Variants in CTNNA3 observed in about 807,000 individuals in gnomAD.
CTNNA3 encodes catenin alpha 3.
CTNNA3 carries 76 observed loss-of-function variants against 95.7 expected under a neutral mutation model. The ratio of observed to expected loss-of-function variants is 0.79; its 90% CI spans 0.66 to 0.96. CTNNA3 has a LOEUF of 0.96. Among genes scored for constraint, CTNNA3 ranks in the 40% least tolerant of loss-of-function variants. CTNNA3 has a pLI of 0.00. For missense variants in CTNNA3, 1,191 were observed against 1,089.8 expected (o/e 1.09, Z -1.31); for synonymous variants, 431 against 374.4 (o/e 1.15, Z -1.74).
At chr10:67,558,997 G>C (rs1432016417) in intron 3 of CTNNA3, among the ~76,000 whole-genome samples, 1 of 152,200 alleles carries the variant, frequency 6.6e-6, no homozygotes, top group South Asian at 2.1e-4. Flanking sequence ...GCTCGAACTG[G>C]GTGGAGCCCA....
In CTNNA3 at chr10:67,185,495, T is replaced by C. The variant is rs140357800; in HGVS notation, c.844-4975A>G. On this transcript the variant is annotated intron_variant, in intron 6 of 17. Transcript: ENST00000433211. The stretch of plus-strand genomic sequence containing the variant: ...TCTGTCTTACATGGGCAAAAAAATT[T>C]TTAAAAACATGAAAGGAAATTAACT... Among the ~76,000 whole-genome samples the C allele has an allele frequency of 8.2e-3, 1,242 of 152,272 alleles. 9 individuals carry two copies. Among genetic ancestry groups the C allele is most frequent in the Middle Eastern group, 0.014 (4 of 294 alleles).
intron 12 of CTNNA3, among the ~76,000 whole-genome samples, chr10:66,373,595 T>C (rs2092770146): frequency 3.2e-5 from 1 of 31,002 alleles, no homozygotes; most frequent in African/African-American, 1.1e-4. Flanking sequence ...TGCTCTCTAA[T>C]TGTGTTAAAA....
At chr10:67,545,340 T>A (rs895538850) in intron 3 of CTNNA3, among the ~76,000 whole-genome samples, 2 of 152,144 alleles carry the variant, frequency 1.3e-5, no homozygotes, top group Non-Finnish European at 2.9e-5. Flanking sequence ...ATTAATGGTA[T>A]CTCCTTTCCG....
At chr10:66,318,685 A>G (rs565815128) in intron 12 of CTNNA3, among the ~76,000 whole-genome samples, 17 of 152,194 alleles carry the variant, frequency 1.1e-4, no homozygotes, top group Admixed American at 3.3e-4. Flanking sequence ...CCATGCTTAG[A>G]TGAAACTGAT....
intron 5 of CTNNA3, among the ~76,000 whole-genome samples, chr10:67,357,019 C>T (rs551197135): frequency 8.4e-4 from 128 of 152,196 alleles, no homozygotes; most frequent in African/African-American, 2.9e-3. Context: ...AACCGTTTAA[C>T]GTCTCTTTCC....
At chr10:66,674,421 G>A (rs993218731) in intron 9 of CTNNA3, among the ~76,000 whole-genome samples, 3 of 151,726 alleles carry the variant, frequency 2.0e-5, no homozygotes, top group African/African-American at 7.3e-5. Context: ...CTAGAGCCTT[G>A]GGTTAGCACT....
At chr10:67,070,181 G>A (rs1347786548) in intron 7 of CTNNA3, among the ~76,000 whole-genome samples, 1 of 151,984 alleles carries the variant, frequency 6.6e-6, no homozygotes, top group Non-Finnish European at 1.5e-5. Context: ...TATATATATT[G>A]CAATTTGGAT....
chr10:66,143,218 A>G (rs994204866), intron 13 of CTNNA3, among the ~76,000 whole-genome samples: 6 of 152,124 alleles, frequency 3.9e-5, no homozygotes, highest in African/African-American at 1.2e-4. Flanking sequence ...ATATGCTTAC[A>G]GTACCAAAAA....
intron 12 of CTNNA3, among the ~76,000 whole-genome samples, chr10:66,349,064 G>A (rs1297683534): frequency 1.3e-5 from 2 of 152,042 alleles, no homozygotes; most frequent in Non-Finnish European, 2.9e-5. Context: ...TTGATTACAT[G>A]TTCGTTACTT....
At chr10:67,705,669 C>T (rs1030894221) in intron 1 of CTNNA3, among the ~76,000 whole-genome samples, 15 of 145,790 alleles carry the variant, frequency 1.0e-4, no homozygotes, top group African/African-American at 3.8e-4. Context: ...AGGAGATATA[C>T]CTAATGCTAA....
At chr10:66,222,461 C>T (rs1043677580) in intron 13 of CTNNA3, among the ~76,000 whole-genome samples, 1 of 151,546 alleles carries the variant, frequency 6.6e-6, no homozygotes, top group African/African-American at 2.4e-5. Flanking sequence ...CTTTTTCACT[C>T]ATGTGTTTAT....
intron 9 of CTNNA3, among the ~76,000 whole-genome samples, chr10:66,635,864 A>G (rs1346380454): frequency 1.3e-5 from 2 of 152,118 alleles, no homozygotes; most frequent in East Asian, 1.9e-4. Flanking sequence ...GTAGGCATCT[A>G]TTTATTATGA....
chr10:66,885,636 A>G (rs1463833279), intron 7 of CTNNA3, among the ~76,000 whole-genome samples: 2 of 152,180 alleles, frequency 1.3e-5, no homozygotes, highest in Admixed American at 1.3e-4. Context: ...TGTTCTTACA[A>G]TAAAACTACC....
intron 15 of CTNNA3, among the ~76,000 whole-genome samples, chr10:66,003,798 C>T (rs1286092190): frequency 6.6e-6 from 1 of 152,090 alleles, no homozygotes; most frequent in African/African-American, 2.4e-5. Context: ...TACAACGTTC[C>T]AGGCACTGCT....
At chr10:67,101,247 T>C (rs796514575) in intron 7 of CTNNA3, among the ~76,000 whole-genome samples, 3 of 151,772 alleles carry the variant, frequency 2.0e-5, no homozygotes, top group East Asian at 1.9e-4. Flanking sequence ...CCAAAGACCT[T>C]CTAAATTGAG....
chr10:67,445,758 G>C (rs901158333), intron 5 of CTNNA3, among the ~76,000 whole-genome samples: 1 of 152,138 alleles, frequency 6.6e-6, no homozygotes, highest in Non-Finnish European at 1.5e-5. Flanking sequence ...ATCATCAATA[G>C]AAATTTATGT....
chr10:66,425,906 CT>C (rs375145766), intron 11 of CTNNA3, among the ~76,000 whole-genome samples: 116 of 152,152 alleles, frequency 7.6e-4, no homozygotes, highest in African/African-American at 2.6e-3. Context: ...ACCCACTGCT[CT>C]TTTTCCAAGG....
At chr10:67,415,318 A>G (rs1161429507) in intron 5 of CTNNA3, among the ~76,000 whole-genome samples, 2 of 152,250 alleles carry the variant, frequency 1.3e-5, no homozygotes, top group Non-Finnish European at 2.9e-5. Context: ...GGATAAAATC[A>G]ATGTACAAAA....
At chr10:67,195,625 A>C (rs1017760380) in intron 6 of CTNNA3, among the ~76,000 whole-genome samples, 1 of 152,016 alleles carries the variant, frequency 6.6e-6, no homozygotes, top group Admixed American at 6.6e-5. Context: ...TGAAGGAAGC[A>C]GCTTTTCCTA....
Sources: allele counts gnomAD v4.1 joint callset (sites outside exome capture counted in the v4.1 genomes callset), GRCh38; gene constraint gnomAD v4.1.1; transcripts MANE v1.5; gene names NCBI Gene and HGNC (gene_info 2026-07-23, HGNC 2026-07-21).